Variants in SEMA3E observed in about 807,000 individuals in gnomAD.
SEMA3E encodes semaphorin-3E.
SEMA3E carries 49 observed loss-of-function variants against 93.6 expected under a neutral mutation model. That is an observed-to-expected ratio of 0.52 (90% CI 0.42 to 0.66). The LOEUF (loss-of-function observed/expected upper bound fraction) is 0.66, where lower values mean the gene tolerates loss of function less well. Ranked by LOEUF, SEMA3E falls within the 30% of genes least tolerant of loss-of-function variation. The pLI, the probability that SEMA3E is intolerant of heterozygous loss-of-function variation, is 0.00. For missense variants in SEMA3E, 906 were observed against 964.8 expected (o/e 0.94, Z 0.81); for synonymous variants, 363 against 330.7 (o/e 1.10, Z -1.06).
At chr7:83,608,258 G>A (rs1584361553) in intron 1 of SEMA3E, among the ~76,000 whole-genome samples, 1 of 152,122 alleles carries the variant, frequency 6.6e-6, no homozygotes, top group Non-Finnish European at 1.5e-5. Flanking sequence ...TCAACAGAAT[G>A]AAAAGAAAGG....
intron 2 of SEMA3E, among the ~76,000 whole-genome samples, chr7:83,487,682 CGTGT>C (rs71074667): frequency 0.061 from 8,819 of 144,458 alleles, 327 homozygotes; most frequent in African/African-American, 0.1. Context: ...GGCAGGAGGT[CGTGT>C]GTGTGTGTGT....
chr7:83,587,360 G>T lies in SEMA3E; in HGVS notation c.115+61068C>A, dbSNP rs559987804. The stretch of plus-strand genomic sequence containing the variant: ...AATAAAATTATTAGATTATAACAAG[G>T]TGCTGTAGGTTTGGCATACCAGTTC... On this transcript the variant is annotated intron_variant, in intron 1 of 16. Coordinates refer to ENST00000643230, the MANE Select transcript of SEMA3E (RefSeq NM_012431.3). Among the ~76,000 whole-genome samples the T allele has an allele frequency of 7.5e-4, 114 of 152,176 alleles. 1 individual carries two copies. The Middle Eastern group carries it at 0.01, about 14-fold the overall frequency.
chr7:83,445,357 G>C (rs1245736868), intron 4 of SEMA3E, among the ~76,000 whole-genome samples: 1 of 148,972 alleles, frequency 6.7e-6, no homozygotes. Context: ...CTGGAAGGTA[G>C]AGGTGGATAG....
In SEMA3E at chr7:83,418,356, A is replaced by T. The variant is rs780706973; in HGVS notation, c.550+34T>A. 5.5e-5 allele frequency: 78 copies of T among 1,425,718 alleles called. 1 individual carries two copies. The South Asian group carries it at 8.7e-4, about 16-fold the overall frequency. 88.3% of individuals were successfully genotyped at this position (1,425,718 alleles called of 1,614,324 possible). A position where few individuals can be genotyped will look rare whatever the true frequency, so the allele number is the denominator to read the frequency against. On this transcript the variant is annotated intron_variant, in intron 5 of 16. Transcript: ENST00000643230. ...AAATATATGTTTTAAAATCCTTATGACTACCACCTGATGTCTGTGGCAATG... is the reference window on the plus strand; with the variant it reads ...AAATATATGTTTTAAAATCCTTATGTCTACCACCTGATGTCTGTGGCAATG...
intron 1 of SEMA3E, among the ~76,000 whole-genome samples, chr7:83,594,336 C>A (rs952092132): frequency 6.6e-6 from 1 of 152,048 alleles, no homozygotes; most frequent in African/African-American, 2.4e-5. Context: ...AATGAAATTA[C>A]CAGGATTTTC....
chr7:83,497,795 A>T (rs778647133), intron 1 of SEMA3E, among the ~76,000 whole-genome samples: 6 of 152,168 alleles, frequency 3.9e-5, no homozygotes, highest in Non-Finnish European at 7.4e-5. Context: ...TCACAAGTCA[A>T]AGGTGTACAA....
chr7:83,608,993 C>T (rs944709732), intron 1 of SEMA3E, among the ~76,000 whole-genome samples: 8 of 151,940 alleles, frequency 5.3e-5, no homozygotes, highest in African/African-American at 1.9e-4. Context: ...CAAATCTCTA[C>T]GTAACAAGAA....
At chr7:83,383,384 T>C (rs1342493205) in intron 16 of SEMA3E, among the ~76,000 whole-genome samples, 1 of 151,876 alleles carries the variant, frequency 6.6e-6, no homozygotes, top group Non-Finnish European at 1.5e-5. Context: ...GGAAAAATTG[T>C]TATTAAAGAA....
Position 83,400,188 on chromosome 7 carries a change from G to T in SEMA3E, c.1206C>A (p.Ile402=), listed in dbSNP as rs1788210440. 6.2e-7 allele frequency: 1 copy of T among 1,613,858 alleles called. No homozygotes were observed. The highest frequency in any genetic ancestry group is 8.5e-7 in the Non-Finnish European group (1 of 1,179,926). The change falls in exon 11 of 17, where the codon ATC becomes ATA. Residue 402 remains isoleucine (I), a synonymous_variant. Coordinates refer to ENST00000643230, the MANE Select transcript of SEMA3E (RefSeq NM_012431.3). ...TTAGTGGATGACTTCTTGCAAATCG[G>T]ATGGCATCATCAGGATAGTCCTTGG... is the stretch of plus-strand genomic sequence containing the variant. The part of the protein sequence containing the change: ...GTTKDYPDDA[I]RFARSHPLMY...
intron 1 of SEMA3E, among the ~76,000 whole-genome samples, chr7:83,525,950 G>C (rs1673185705): frequency 6.6e-6 from 1 of 151,044 alleles, no homozygotes; most frequent in African/African-American, 2.4e-5. Flanking sequence ...AGGGTTGGTA[G>C]GTTATTTTTT....
At chr7:83,417,020 G>C (rs57212489) in intron 5 of SEMA3E, among the ~76,000 whole-genome samples, 15,545 of 105,908 alleles carry the variant, frequency 0.15, 973 homozygotes, top group East Asian at 0.23. Context: ...CACACAGGGA[G>C]AGAGAGAGAG....
At chr7:83,584,195 CT>C (rs767822609) in intron 1 of SEMA3E, among the ~76,000 whole-genome samples, 6 of 152,162 alleles carry the variant, frequency 3.9e-5, no homozygotes, top group African/African-American at 7.2e-5. Context: ...TGTAATAAAA[CT>C]TTTTTTCATA....
chr7:83,584,370 G>A (rs1247288697), intron 1 of SEMA3E, among the ~76,000 whole-genome samples: 1 of 151,876 alleles, frequency 6.6e-6, no homozygotes, highest in Non-Finnish European at 1.5e-5. Context: ...TGACCTTGTG[G>A]GATCTGTAGA....
At chr7:83,414,985 T>C (rs1346281275) in intron 5 of SEMA3E, among the ~76,000 whole-genome samples, 1 of 152,070 alleles carries the variant, frequency 6.6e-6, no homozygotes, top group Non-Finnish European at 1.5e-5. Flanking sequence ...AATTAGAATA[T>C]TGCAATAGTA....
intron 1 of SEMA3E, among the ~76,000 whole-genome samples, chr7:83,575,465 T>C (rs1792380378): frequency 6.6e-6 from 1 of 152,170 alleles, no homozygotes; most frequent in African/African-American, 2.4e-5. Flanking sequence ...TTTATTTGAT[T>C]CTACATTAAA....
chr7:83,423,459 G>A (rs1019952032), intron 4 of SEMA3E, among the ~76,000 whole-genome samples: 1 of 150,998 alleles, frequency 6.6e-6, no homozygotes, highest in Non-Finnish European at 1.5e-5. Flanking sequence ...TAATAAACAG[G>A]TTAAATTAAA....
intron 1 of SEMA3E, among the ~76,000 whole-genome samples, chr7:83,619,167 T>A (rs1483940218): frequency 6.6e-6 from 1 of 152,018 alleles, no homozygotes; most frequent in East Asian, 1.9e-4. Context: ...GTTCTTATTA[T>A]GTATTAAATT....
chr7:83,626,895 G>A (rs1299830868), intron 1 of SEMA3E, among the ~76,000 whole-genome samples: 3 of 152,024 alleles, frequency 2.0e-5, no homozygotes, highest in African/African-American at 7.2e-5. Context: ...CAAAGATTCT[G>A]GTAAGTTTTG....
At chr7:83,494,037 AT>A (rs1790439605) in intron 1 of SEMA3E, among the ~76,000 whole-genome samples, 2 of 151,880 alleles carry the variant, frequency 1.3e-5, no homozygotes, top group South Asian at 4.1e-4. Context: ...TATTAACTCA[AT>A]TTTTCTACTT....
Sources: allele counts gnomAD v4.1 joint callset (sites outside exome capture counted in the v4.1 genomes callset), GRCh38; gene constraint gnomAD v4.1.1; transcripts MANE v1.5; gene names NCBI Gene and HGNC (gene_info 2026-07-23, HGNC 2026-07-21).